EYS: variants seen among roughly 807,000 people sequenced by gnomAD.
EYS encodes EGF-like photoreceptor maintenance factor.
EYS carries 250 observed loss-of-function variants against 282.1 expected under a neutral mutation model. That is an observed-to-expected ratio of 0.89 (90% CI 0.80 to 0.98). The LOEUF is 0.98. EYS is among the 50% of genes least tolerant of loss of function. The pLI, the probability that EYS is intolerant of heterozygous loss-of-function variation, is 0.00. For missense variants in EYS, 4,016 were observed against 3,709.0 expected (o/e 1.08, Z -2.15); for synonymous variants, 1,355 against 1,282.9 (o/e 1.06, Z -1.20).
chr6:64,787,079 CA>C (rs1447392443), intron 22 of EYS, among the ~76,000 whole-genome samples: 2 of 152,174 alleles, frequency 1.3e-5, no homozygotes, highest in African/African-American at 4.8e-5. Flanking sequence ...AACATCAAAC[CA>C]GTTAGTGGAT....
chr6:65,089,699 C>A (rs1345851981), intron 12 of EYS, among the ~76,000 whole-genome samples: 1 of 151,924 alleles, frequency 6.6e-6, no homozygotes, highest in Non-Finnish European at 1.5e-5. Context: ...GCCTGTAATT[C>A]CAGCACTTCT....
intron 26 of EYS, among the ~76,000 whole-genome samples, chr6:64,440,370 A>C (rs190411499): frequency 6.6e-6 from 1 of 152,068 alleles, no homozygotes; most frequent in Admixed American, 6.6e-5. Flanking sequence ...TAAATAAATA[A>C]CCAGCAAGCC....
intron 2 of EYS, among the ~76,000 whole-genome samples, chr6:65,598,238 A>C (rs112829973): frequency 0.26 from 3,587 of 14,050 alleles, 9 homozygotes; most frequent in Non-Finnish European, 0.31. Flanking sequence ...CTCCCCACCC[A>C]CCCCCCCCCC....
At chr6:64,804,074 T>A (rs115680422) in intron 22 of EYS, among the ~76,000 whole-genome samples, 5,109 of 152,278 alleles carry the variant, frequency 0.034, 130 homozygotes, top group Middle Eastern at 0.068. Flanking sequence ...GCAGCCAGTG[T>A]CTTTGCAGTG....
intron 19 of EYS, among the ~76,000 whole-genome samples, chr6:64,864,271 T>C (rs1268287661): frequency 6.6e-6 from 1 of 151,932 alleles, no homozygotes; most frequent in Non-Finnish European, 1.5e-5. Flanking sequence ...GGCTAAATTA[T>C]ATTTTTAGAT....
intron 12 of EYS, among the ~76,000 whole-genome samples, chr6:65,093,273 G>A (rs1774627282): frequency 6.6e-6 from 1 of 151,912 alleles, no homozygotes; most frequent in African/African-American, 2.4e-5. Context: ...TAGCAGGCCT[G>A]CCTTACAAGA....
chr6:64,568,419 T>C (rs144892148), intron 26 of EYS, among the ~76,000 whole-genome samples: 66 of 152,222 alleles, frequency 4.3e-4, no homozygotes, highest in Middle Eastern at 3.4e-3. Flanking sequence ...TCAAACGTAA[T>C]AGTTTAAAAT....
intron 26 of EYS, among the ~76,000 whole-genome samples, chr6:64,521,311 T>A (rs572587863): frequency 2.0e-5 from 3 of 151,910 alleles, no homozygotes; most frequent in Admixed American, 2.0e-4. Context: ...TTGAATGTCA[T>A]GGAAGTGATG....
chr6:64,632,503 T>C (rs1168442547), intron 22 of EYS, among the ~76,000 whole-genome samples: 1 of 85,040 alleles, frequency 1.2e-5, no homozygotes, highest in African/African-American at 4.0e-5. Context: ...GAAACTATAG[T>C]TCTGAGGAAT....
intron 26 of EYS, among the ~76,000 whole-genome samples, chr6:64,545,988 C>A (rs1010944797): frequency 2.0e-5 from 3 of 152,146 alleles, no homozygotes; most frequent in Non-Finnish European, 2.9e-5. Context: ...ATCAAGTTAA[C>A]AATGACTTTC....
chr6:64,564,481 C>T (rs1432130097), intron 26 of EYS, among the ~76,000 whole-genome samples: 1 of 151,664 alleles, frequency 6.6e-6, no homozygotes, highest in East Asian at 1.9e-4. Context: ...AGGGGTTTCA[C>T]CATGTTAGCC....
intron 5 of EYS, among the ~76,000 whole-genome samples, chr6:65,420,762 G>T (rs1160312643): frequency 6.6e-6 from 1 of 151,818 alleles, no homozygotes; most frequent in East Asian, 1.9e-4. Context: ...GGCTACAAAA[G>T]GGATGCCATG....
intron 2 of EYS, among the ~76,000 whole-genome samples, chr6:65,601,516 G>T (rs976798032): frequency 1.3e-5 from 2 of 151,546 alleles, no homozygotes; most frequent in South Asian, 4.1e-4. Flanking sequence ...TCAAAATATC[G>T]ATAATAAGAA....
chr6:65,525,055 A>ATT (rs35986893), intron 2 of EYS, among the ~76,000 whole-genome samples: 4,051 of 146,324 alleles, frequency 0.028, 104 homozygotes, highest in African/African-American at 0.066. Context: ...TTCTAAACTG[A>ATT]TTTTTTTTTT....
intron 22 of EYS, among the ~76,000 whole-genome samples, chr6:64,692,926 A>G (rs1374190944): frequency 1.6e-5 from 2 of 121,618 alleles, no homozygotes; most frequent in East Asian, 5.5e-4. Context: ...CAGGAGTATG[A>G]TGATGCCTCT....
chr6:65,066,087 G>A (rs146326757), intron 12 of EYS, among the ~76,000 whole-genome samples: 47 of 152,170 alleles, frequency 3.1e-4, no homozygotes, highest in African/African-American at 9.4e-4. Context: ...GATGGGCATG[G>A]CATTTTCAAA....
chr6:64,323,791 C>T (rs886808697), intron 29 of EYS, among the ~76,000 whole-genome samples: 1 of 152,038 alleles, frequency 6.6e-6, no homozygotes, highest in African/African-American at 2.4e-5. Flanking sequence ...GAAATATGTC[C>T]ATAATGGACA....
intron 12 of EYS, among the ~76,000 whole-genome samples, chr6:65,088,479 T>C (rs1045129056): frequency 1.3e-5 from 2 of 152,206 alleles, no homozygotes; most frequent in Non-Finnish European, 2.9e-5. Flanking sequence ...GCAAAGTTCC[T>C]GATGGCATTT....
At chr6:64,640,769 A>T (rs1245122449) in intron 22 of EYS, among the ~76,000 whole-genome samples, 1 of 152,254 alleles carries the variant, frequency 6.6e-6, no homozygotes, top group Non-Finnish European at 1.5e-5. Flanking sequence ...AAATAAAAAC[A>T]TTCTTAAGCT....
Sources: allele counts gnomAD v4.1 joint callset (sites outside exome capture counted in the v4.1 genomes callset), GRCh38; gene constraint gnomAD v4.1.1; transcripts MANE v1.5; gene names NCBI Gene and HGNC (gene_info 2026-07-23, HGNC 2026-07-21).